Variants in MSRA observed in about 807,000 individuals in gnomAD.
MSRA encodes the protein methionine sulfoxide reductase A.
A neutral mutation model predicts 31.3 loss-of-function variants in MSRA; 54 were observed. The observed-to-expected ratio is 1.73, with a 90% CI of 1.39 to 2.17. The LOEUF (loss-of-function observed/expected upper bound fraction) is 2.17. Among genes scored for constraint, MSRA ranks in the 30% most tolerant of loss-of-function variants. The probability of loss-of-function intolerance (pLI) is 0.00; values close to 1 mark genes in which losing one functional copy is unlikely to be tolerated. For synonymous variants in MSRA, 169 were observed against 116.5 expected, an observed-to-expected ratio of 1.45 and a Z score of -2.90; for missense variants, 507 against 300.9, an observed-to-expected ratio of 1.69 and a Z score of -5.07.
chr8:10,261,765 A>T (rs1585304262), intron 3 of MSRA, among the ~76,000 whole-genome samples: 1 of 152,150 alleles, frequency 6.6e-6, no homozygotes, highest in South Asian at 2.1e-4. Flanking sequence ...GGTGGTGTAC[A>T]TTCTGTAGGT....
intron 1 of MSRA, among the ~76,000 whole-genome samples, chr8:10,188,568 A>C (rs991372092): frequency 1.1e-4 from 17 of 152,360 alleles, no homozygotes; most frequent in African/African-American, 4.1e-4. Context: ...GATCCATTTA[A>C]AGTTAATTGT....
chr8:10,400,361 C>CTGTGTGTGTGTGTG (rs778722885), intron 5 of MSRA, among the ~76,000 whole-genome samples: 1 of 148,004 alleles, frequency 6.8e-6, no homozygotes, highest in Non-Finnish European at 1.5e-5. Context: ...TATTCAGGCT[C>CTGTGTGTGTGTGTG]TGTGTGTGTG....
chr8:10,279,626 G>C (rs1799512132), intron 3 of MSRA, among the ~76,000 whole-genome samples: 1 of 152,048 alleles, frequency 6.6e-6, no homozygotes, highest in Admixed American at 6.6e-5. Flanking sequence ...GCACAAAATT[G>C]CCATTTAAGT....
chr8:10,164,897 A>C (rs769874168), intron 1 of MSRA, among the ~76,000 whole-genome samples: 1 of 152,164 alleles, frequency 6.6e-6, no homozygotes, highest in Admixed American at 6.5e-5. Flanking sequence ...GTGTTGTCGC[A>C]GACGCCTGTA....
In MSRA at chr8:10,115,220, T is replaced by G. The variant is rs139792487; in HGVS notation, c.142+60562T>G. ...ACATCAGCTGACAGCACAATAAATT[T>G]GAAGTTAAATATTTGTGAAGAAAAA... On this transcript the variant is annotated intron_variant, in intron 1 of 5. Transcript: ENST00000317173. Among the ~76,000 whole-genome samples the G allele has an allele frequency of 3.0e-4, 46 of 152,348 alleles. 1 individual carries two copies. Among genetic ancestry groups the G allele is most frequent in the African/African-American group, 9.4e-4 (39 of 41,586 alleles).
At chr8:10,370,195 G>T (rs1266368086) in intron 5 of MSRA, among the ~76,000 whole-genome samples, 3 of 152,064 alleles carry the variant, frequency 2.0e-5, no homozygotes, top group Admixed American at 2.0e-4. Context: ...TTATGGATTT[G>T]GAAGCCATTA....
chr8:10,229,378 G>T (rs993579632), intron 2 of MSRA, among the ~76,000 whole-genome samples: 1 of 152,164 alleles, frequency 6.6e-6, no homozygotes, highest in African/African-American at 2.4e-5. Context: ...GGAGAAACTG[G>T]CTCAGGAATT....
At chr8:10,412,316 G>T (rs1351163783) in intron 5 of MSRA, among the ~76,000 whole-genome samples, 1 of 152,144 alleles carries the variant, frequency 6.6e-6, no homozygotes, top group African/African-American at 2.4e-5. Flanking sequence ...AATTACAAGG[G>T]CCACAGGCTT....
intron 1 of MSRA, among the ~76,000 whole-genome samples, chr8:10,071,954 A>G (rs751819087): frequency 6.6e-6 from 1 of 152,174 alleles, no homozygotes; most frequent in Non-Finnish European, 1.5e-5. Context: ...AGTAGTGCGT[A>G]TGGGTCCCCT....
chr8:10,177,888 T>C (rs1455194335), intron 1 of MSRA, among the ~76,000 whole-genome samples: 1 of 152,204 alleles, frequency 6.6e-6, no homozygotes, highest in Non-Finnish European at 1.5e-5. Context: ...AGTGGGATTT[T>C]AGGGACCAGG....
chr8:10,403,196 G>A (rs563554853), intron 5 of MSRA, among the ~76,000 whole-genome samples: 27 of 152,288 alleles, frequency 1.8e-4, no homozygotes, highest in Non-Finnish European at 2.9e-4. Context: ...AGAAGCTTCC[G>A]GAAACTTGGC....
chr8:10,137,013 A>G (rs989756261), intron 1 of MSRA, among the ~76,000 whole-genome samples: 10 of 152,308 alleles, frequency 6.6e-5, no homozygotes, highest in African/African-American at 1.9e-4. Context: ...GATCAAATAT[A>G]TATTTTTGTC....
intron 5 of MSRA, among the ~76,000 whole-genome samples, chr8:10,381,527 C>G (rs1806069481): frequency 6.6e-6 from 1 of 152,190 alleles, no homozygotes; most frequent in Non-Finnish European, 1.5e-5. Context: ...CAGTGAGTTT[C>G]CATCACCCTT....
At chr8:10,081,912 A>G (rs531137045) in intron 1 of MSRA, among the ~76,000 whole-genome samples, 3 of 152,262 alleles carry the variant, frequency 2.0e-5, no homozygotes. Flanking sequence ...ATTTTCTATC[A>G]AAACCTCATC....
chr8:10,275,656 C>G (rs75832929), intron 3 of MSRA, among the ~76,000 whole-genome samples: 26 of 152,274 alleles, frequency 1.7e-4, no homozygotes, highest in Non-Finnish European at 3.2e-4. Flanking sequence ...CCACTATGCA[C>G]TGGCATCTCC....
chr8:10,141,834 G>C (rs536712091), intron 1 of MSRA, among the ~76,000 whole-genome samples: 1 of 152,234 alleles, frequency 6.6e-6, no homozygotes, highest in Admixed American at 6.5e-5. Context: ...GGTGAAAATG[G>C]GGTTCTAGGA....
At chr8:10,056,987 C>T (rs769633213) in intron 1 of MSRA, among the ~76,000 whole-genome samples, 10 of 152,146 alleles carry the variant, frequency 6.6e-5, no homozygotes, top group Non-Finnish European at 1.3e-4. Flanking sequence ...TAAGGATTAC[C>T]ATCTTAGCGT....
At chr8:10,135,690 G>A (rs1802221921) in intron 1 of MSRA, among the ~76,000 whole-genome samples, 1 of 152,272 alleles carries the variant, frequency 6.6e-6, no homozygotes, top group South Asian at 2.1e-4. Context: ...ATATACTTAG[G>A]TTGACCCATA....
At chr8:10,264,698 G>A (rs955276879) in intron 3 of MSRA, among the ~76,000 whole-genome samples, 11 of 152,304 alleles carry the variant, frequency 7.2e-5, no homozygotes, top group South Asian at 4.1e-4. Flanking sequence ...TCTGGTGCAC[G>A]TGGTCATTAA....
Sources: gnomAD v4.1 joint callset for allele counts (sites outside exome capture counted in the v4.1 genomes callset) on GRCh38, gnomAD v4.1.1 for gene constraint, MANE v1.5 for transcripts, NCBI Gene and HGNC (gene_info 2026-07-23, HGNC 2026-07-21) for gene names.